The following LRBA variants were observed in gnomAD, a reference collection of about 807,000 sequenced individuals.
LRBA encodes the protein lipopolysaccharide-responsive and beige-like anchor protein.
In LRBA, 176 loss-of-function variants were observed where a neutral mutation model predicts 330.0. That is an observed-to-expected ratio of 0.53 (90% CI 0.47 to 0.60). LRBA has a LOEUF of 0.60. Among genes scored for constraint, LRBA ranks in the 20% least tolerant of loss-of-function variants. LRBA has a pLI of 0.00. For missense variants in LRBA, 3,259 were observed against 3,444.8 expected (o/e 0.95, Z 1.35); for synonymous variants, 1,230 against 1,193.0 (o/e 1.03, Z -0.64).
At chr4:151,003,421 C>G (rs1743633500) in intron 2 of LRBA, among the ~76,000 whole-genome samples, 1 of 148,810 alleles carries the variant, frequency 6.7e-6, no homozygotes, top group South Asian at 2.1e-4. Context: ...AAACAAAATC[C>G]TAAAACTCAT....
intron 42 of LRBA, among the ~76,000 whole-genome samples, chr4:150,479,231 A>G (rs1443372467): frequency 3.3e-5 from 5 of 151,920 alleles, no homozygotes; most frequent in African/African-American, 1.2e-4. Flanking sequence ...TGATTGTACC[A>G]CTGCACTCCA....
chr4:150,418,597 T>C (rs573342230), intron 46 of LRBA, among the ~76,000 whole-genome samples: 13 of 152,330 alleles, frequency 8.5e-5, no homozygotes, highest in African/African-American at 3.1e-4. Flanking sequence ...ATTGTAAACA[T>C]ATTTCAAAAT....
Position 150,404,031 on chromosome 4 carries a change from C to CA in LRBA, c.7194+11406dup, listed in dbSNP as rs1042636033. ...TGGGCGACAGAGCGAGATTCTGTCT[C>CA]AAAAAAAAACACCACCCAAACCAGA... On this transcript the variant is annotated intron_variant, in intron 47 of 56. Coordinates refer to ENST00000651943, the MANE Select transcript of LRBA (RefSeq NM_001364905.1). Among the ~76,000 whole-genome samples, 118 of 148,428 alleles carry CA rather than the reference C, an allele frequency of 7.9e-4. 1 individual carries two copies. Among genetic ancestry groups the CA allele is most frequent in the East Asian group, 5.7e-3 (29 of 5,068 alleles).
In LRBA at chr4:150,708,301, T is replaced by C. The variant is rs79981532; in HGVS notation, c.5755-24584A>G. On this transcript the variant is annotated intron_variant, in intron 36 of 56. Coordinates refer to ENST00000651943, the MANE Select transcript of LRBA (RefSeq NM_001364905.1). ...ATGTTATGAATCTCCAAAGCAAACT[T>C]GTCTAAATCATTCTGGTCTTCTATC... 6.9e-3 allele frequency among the ~76,000 whole-genome samples: 1,047 copies of C among 151,958 alleles called. 10 individuals are homozygous for C. The highest frequency in any genetic ancestry group is 0.024 in the African/African-American group (988 of 41,536).
At chr4:150,782,186 C>T (rs755141207) in intron 34 of LRBA, among the ~76,000 whole-genome samples, 4 of 152,146 alleles carry the variant, frequency 2.6e-5, no homozygotes, top group Non-Finnish European at 4.4e-5. Context: ...GGATTTCAGG[C>T]GTGAGCCACT....
intron 17 of LRBA, among the ~76,000 whole-genome samples, chr4:150,875,268 G>A (rs1415509644): frequency 1.3e-5 from 2 of 152,044 alleles, no homozygotes; most frequent in Non-Finnish European, 2.9e-5. Flanking sequence ...CCTGGTGTAG[G>A]AGACCCTCTC....
At chr4:150,758,316 T>C (rs1172988274) in intron 35 of LRBA, among the ~76,000 whole-genome samples, 1 of 152,216 alleles carries the variant, frequency 6.6e-6, no homozygotes, top group Non-Finnish European at 1.5e-5. Context: ...CTGTCTGCTA[T>C]ATAAAGATCT....
chr4:150,902,678 G>A (rs967816590), intron 13 of LRBA, among the ~76,000 whole-genome samples: 2 of 152,224 alleles, frequency 1.3e-5, no homozygotes, highest in African/African-American at 4.8e-5. Flanking sequence ...ACAGTGTGGA[G>A]TGTACTTTCA....
chr4:150,322,887 T>C (rs1331900129), intron 49 of LRBA, among the ~76,000 whole-genome samples: 2 of 152,078 alleles, frequency 1.3e-5, no homozygotes, highest in Admixed American at 6.6e-5. Context: ...ACCAGACAAA[T>C]AGGCAGCCTT....
chr4:150,611,016 G>A (rs1413893860), intron 37 of LRBA, among the ~76,000 whole-genome samples: 1 of 152,088 alleles, frequency 6.6e-6, no homozygotes, highest in Non-Finnish European at 1.5e-5. Flanking sequence ...AGATTATACT[G>A]TACTTGAAGA....
chr4:150,717,085 C>G (rs1728297290), intron 36 of LRBA, among the ~76,000 whole-genome samples: 2 of 152,172 alleles, frequency 1.3e-5, no homozygotes, highest in South Asian at 4.1e-4. Flanking sequence ...TCAGACTACC[C>G]TGGTTCAAGT....
At chr4:150,833,738 T>C (rs10452217) in intron 28 of LRBA, among the ~76,000 whole-genome samples, 9,172 of 152,226 alleles carry the variant, frequency 0.06, 858 homozygotes, top group African/African-American at 0.2. Flanking sequence ...GTGGTAACTG[T>C]AGCAATCTCT....
rs1773036477 is a variant in LRBA at position 150,592,664 on chromosome 4, CT to C, written c.6047-1806del. 2.0e-5 allele frequency among the ~76,000 whole-genome samples: 3 copies of C among 152,046 alleles called. 1 individual carries two copies. Among genetic ancestry groups the C allele is most frequent in the Admixed American group, 2.0e-4 (3 of 15,264 alleles). On this transcript the variant is annotated intron_variant, in intron 38 of 56. Transcript: ENST00000651943. ...TATTTAATTTTTTTGAGACAGGATCCTGCTCTGTCACCCAGGCTGGAGTGCA... is the reference window on the plus strand; with the variant it reads ...TATTTAATTTTTTTGAGACAGGATCCGCTCTGTCACCCAGGCTGGAGTGCA...
chr4:150,536,687 GATTAA>G (rs1358975154), intron 40 of LRBA, among the ~76,000 whole-genome samples: 2 of 152,146 alleles, frequency 1.3e-5, no homozygotes, highest in African/African-American at 2.4e-5. Flanking sequence ...AACAGCTCTG[GATTAA>G]ATTGTTTGGT....
At chr4:150,436,508 G>A (rs1751129322) in intron 45 of LRBA, among the ~76,000 whole-genome samples, 1 of 152,064 alleles carries the variant, frequency 6.6e-6, no homozygotes, top group South Asian at 2.1e-4. Context: ...AGCATCTGAA[G>A]GGGCAAATTT....
intron 30 of LRBA, among the ~76,000 whole-genome samples, chr4:150,818,520 T>C (rs1464976461): frequency 7.0e-6 from 1 of 142,050 alleles, no homozygotes; most frequent in East Asian, 2.1e-4. Context: ...GGGGAGTAGA[T>C]ATGACGAATG....
intron 46 of LRBA, among the ~76,000 whole-genome samples, chr4:150,427,670 C>T (rs1405402697): frequency 1.3e-5 from 2 of 151,972 alleles, no homozygotes; most frequent in Non-Finnish European, 2.9e-5. Context: ...TTTAATTTTA[C>T]TTTCTTTCAG....
chr4:150,607,776 C>G (rs193111591), intron 37 of LRBA, among the ~76,000 whole-genome samples: 2 of 152,054 alleles, frequency 1.3e-5, no homozygotes, highest in Non-Finnish European at 2.9e-5. Flanking sequence ...GTGGCTCACA[C>G]CTGTAATCCC....
chr4:150,912,539 T>C lies in LRBA; in HGVS notation c.1161+1656A>G, dbSNP rs192126446. Reference sequence around the variant, plus strand: ...ATAATTATTTCATTATATATTACAATGTAATAATAACAGAAATAAAGTGCA... The same window carrying C: ...ATAATTATTTCATTATATATTACAACGTAATAATAACAGAAATAAAGTGCA... On this transcript the variant is annotated intron_variant, in intron 9 of 56. Coordinates refer to ENST00000651943, the MANE Select transcript of LRBA (RefSeq NM_001364905.1). Among the ~76,000 whole-genome samples the C allele has an allele frequency of 4.6e-5, 7 of 152,318 alleles. No homozygotes were observed. In the East Asian group the frequency reaches 1.3e-3, roughly 29 times the overall value.
Sources: gnomAD v4.1 joint callset for allele counts (sites outside exome capture counted in the v4.1 genomes callset) on GRCh38, gnomAD v4.1.1 for gene constraint, MANE v1.5 for transcripts, NCBI Gene and HGNC (gene_info 2026-07-23, HGNC 2026-07-21) for gene names.